CPXM2: variants seen among roughly 807,000 people sequenced by gnomAD.
CPXM2 encodes the protein carboxypeptidase X, M14 family member 2.
Under a neutral mutation model 86.1 loss-of-function variants are expected in CPXM2, and 66 were observed. The observed-to-expected ratio is 0.77, with a 90% CI of 0.63 to 0.94. The LOEUF is 0.94. Among genes scored for constraint, CPXM2 ranks in the 40% least tolerant of loss-of-function variants. The pLI is 0.00. For synonymous variants in CPXM2, 388 were observed against 400.2 expected, an observed-to-expected ratio of 0.97 and a Z score of 0.36; for missense variants, 948 against 1,026.3, an observed-to-expected ratio of 0.92 and a Z score of 1.04.
intron 12 of CPXM2, among the ~76,000 whole-genome samples, chr10:123,756,498 C>A (rs2133977790): frequency 6.6e-6 from 1 of 152,262 alleles, no homozygotes; most frequent in South Asian, 2.1e-4. Context: ...AAAGCTGCTC[C>A]CAGGTCATTC....
chr10:123,798,661 T>G (rs138240008), intron 5 of CPXM2, among the ~76,000 whole-genome samples: 1 of 152,316 alleles, frequency 6.6e-6, no homozygotes, highest in East Asian at 1.9e-4. Flanking sequence ...CTAGTCAGAC[T>G]ATGTAAGACA....
chr10:123,933,399 A>G (rs76586018), intron 2 of CPXM2, among the ~76,000 whole-genome samples: 2 of 152,192 alleles, frequency 1.3e-5, no homozygotes, highest in Non-Finnish European at 2.9e-5. Context: ...AACCAAAAAA[A>G]TGATGTCACC....
upstream of CPXM2, among the ~76,000 whole-genome samples, chr10:123,894,205 G>A (rs939350612): frequency 2.0e-5 from 3 of 152,158 alleles, no homozygotes; most frequent in Non-Finnish European, 4.4e-5. Context: ...CCAAGCCCAT[G>A]AGTCCTGAAG....
intron 3 of CPXM2, among the ~76,000 whole-genome samples, chr10:123,860,890 T>TTCGGATCTCC (rs1848836125): frequency 2.0e-5 from 3 of 152,220 alleles, no homozygotes; most frequent in Admixed American, 6.5e-5. Context: ...TAAACCAACC[T>TTCGGATCTCC]TCGGATCTCC....
intron 2 of CPXM2, among the ~76,000 whole-genome samples, chr10:123,915,298 C>A (rs928567303): frequency 6.6e-6 from 1 of 152,234 alleles, no homozygotes; most frequent in Non-Finnish European, 1.5e-5. Flanking sequence ...TGGCTCATAG[C>A]TGTAATCCCA....
At chr10:123,867,985 C>T (rs867217546) in intron 2 of CPXM2, among the ~76,000 whole-genome samples, 28 of 152,202 alleles carry the variant, frequency 1.8e-4, no homozygotes, top group African/African-American at 5.8e-4. Context: ...ATGCGAGCCA[C>T]GTAAGAGAGA....
chr10:123,880,794 A>G (rs929455265), intron 1 of CPXM2, among the ~76,000 whole-genome samples: 2 of 131,980 alleles, frequency 1.5e-5, no homozygotes, highest in Non-Finnish European at 3.1e-5. Flanking sequence ...GCGCCACTGC[A>G]CTCCAGCCTG....
At chr10:123,810,764 A>C (rs558194291) in intron 4 of CPXM2, among the ~76,000 whole-genome samples, 6 of 152,274 alleles carry the variant, frequency 3.9e-5, no homozygotes, top group Middle Eastern at 3.4e-3. Flanking sequence ...CTTTCCAAAA[A>C]TCTCAATTGC....
chr10:123,794,105 G>A (rs879553757), intron 6 of CPXM2, among the ~76,000 whole-genome samples: 2 of 152,230 alleles, frequency 1.3e-5, no homozygotes, highest in African/African-American at 2.4e-5. Context: ...CGACTTGGAG[G>A]ACTGACTCCC....
chr10:123,913,941 C>T, intron 2 of CPXM2: 1 of 460,408 alleles, frequency 2.2e-6, no homozygotes, highest in Non-Finnish European at 4.4e-6. Flanking sequence ...AATTCCCAGA[C>T]CCTGAACCAT....
intron 13 of CPXM2, chr10:123,752,467 T>A (rs1846099867): frequency 1.0e-6 from 1 of 985,306 alleles, no homozygotes; most frequent in Admixed American, 6.1e-5. Flanking sequence ...TTAGACACAT[T>A]TCCCCCATTT....
intron 2 of CPXM2, among the ~76,000 whole-genome samples, chr10:123,911,560 T>C (rs1420470624): frequency 6.6e-6 from 1 of 151,684 alleles, no homozygotes; most frequent in Admixed American, 6.5e-5. Context: ...ACCAACCTAA[T>C]AGCCAGGTGA....
intron 13 of CPXM2, 148 bp from the exon 14 acceptor site, chr10:123,747,165 A>C: frequency 2.0e-6 from 2 of 993,770 alleles, no homozygotes; most frequent in Non-Finnish European, 3.0e-6. Flanking sequence ...CAAATTCTTA[A>C]TGCATTTTGG....
chr10:123,799,994 T>C (rs1296405170), intron 4 of CPXM2, among the ~76,000 whole-genome samples: 1 of 151,426 alleles, frequency 6.6e-6, no homozygotes, highest in African/African-American at 2.4e-5. Context: ...ATTTTTTAAA[T>C]ATTGGAACTA....
chr10:123,837,649 G>A (rs924146916), intron 4 of CPXM2, among the ~76,000 whole-genome samples: 1 of 152,064 alleles, frequency 6.6e-6, no homozygotes, highest in Non-Finnish European at 1.5e-5. Context: ...TAATGCAGTA[G>A]GGAAGGATAT....
At chr10:123,887,638 A>G (rs1945200197) in intron 1 of CPXM2, among the ~76,000 whole-genome samples, 1 of 152,096 alleles carries the variant, frequency 6.6e-6, no homozygotes, top group Admixed American at 6.6e-5. Context: ...GAGTCCAGGG[A>G]CACTGCTAAA....
intron 2 of CPXM2, among the ~76,000 whole-genome samples, chr10:123,932,502 C>G (rs1033853037): frequency 7.9e-5 from 12 of 152,248 alleles, no homozygotes; most frequent in Non-Finnish European, 1.8e-4. Context: ...CAAAGTCAGG[C>G]AGTCAACTGC....
chr10:123,846,318 A>T (rs1848494295), intron 3 of CPXM2, among the ~76,000 whole-genome samples: 1 of 152,232 alleles, frequency 6.6e-6, no homozygotes, highest in South Asian at 2.1e-4. Context: ...ACAGTGACAG[A>T]TCATCAGGCA....
At chr10:123,823,075 T>C (rs923037770) in intron 4 of CPXM2, among the ~76,000 whole-genome samples, 9 of 152,144 alleles carry the variant, frequency 5.9e-5, no homozygotes, top group Admixed American at 5.9e-4. Flanking sequence ...ATTTCCAAAA[T>C]ACAACCAAGA....
Sources: gnomAD v4.1 joint callset for allele counts (sites outside exome capture counted in the v4.1 genomes callset) on GRCh38, gnomAD v4.1.1 for gene constraint, MANE v1.5 for transcripts, NCBI Gene and HGNC (gene_info 2026-07-23, HGNC 2026-07-21) for gene names.